VWA3B: variants seen among roughly 807,000 people sequenced by gnomAD.
The protein encoded by VWA3B is von Willebrand factor A domain containing 3B.
In VWA3B, 138 loss-of-function variants were observed where a neutral mutation model predicts 158.3. That is an observed-to-expected ratio of 0.87 (90% CI 0.76 to 1.00). The LOEUF (loss-of-function observed/expected upper bound fraction) is 1.00, where lower values mean the gene tolerates loss of function less well. Among genes scored for constraint, VWA3B ranks in the 50% least tolerant of loss-of-function variants. The pLI is 0.00. For synonymous variants in VWA3B, 596 were observed against 587.3 expected (o/e 1.01, Z -0.21); for missense variants, 1,555 against 1,565.1 (o/e 0.99, Z 0.11).
intron 15 of VWA3B, 22 bp downstream of exon 15, chr2:98,228,354 T>C (rs1474965505): frequency 1.2e-6 from 2 of 1,607,684 alleles, no homozygotes; most frequent in Non-Finnish European, 8.5e-7. Context: ...TGCCCGCCTG[T>C]CTCCCTGCGC....
At chr2:98,209,591 T>G (rs1683330345) in intron 12 of VWA3B, among the ~76,000 whole-genome samples, 1 of 152,122 alleles carries the variant, frequency 6.6e-6, no homozygotes, top group South Asian at 2.1e-4. Flanking sequence ...AAATTTGGGG[T>G]TTTTTTCAGT....
intron 8 of VWA3B, among the ~76,000 whole-genome samples, chr2:98,170,660 G>T (rs1679507486): frequency 6.6e-6 from 1 of 151,208 alleles, no homozygotes; most frequent in African/African-American, 2.4e-5. Context: ...AGGCTGGAGT[G>T]CAGTGATGCC....
intron 26 of VWA3B, 39 bp from the exon 27 acceptor site, chr2:98,311,780 C>T (rs1303197024): frequency 2.6e-6 from 4 of 1,522,980 alleles, no homozygotes; most frequent in Admixed American, 2.1e-5. Context: ...ACCCCGCAGC[C>T]ATCAAGGCAG....
intron 12 of VWA3B, among the ~76,000 whole-genome samples, chr2:98,195,912 A>G (rs1682000586): frequency 6.6e-6 from 1 of 152,240 alleles, no homozygotes; most frequent in African/African-American, 2.4e-5. Context: ...GCATATATAC[A>G]CAATGGAATA....
At chr2:98,138,068 TCAG>T (rs1375146684) in intron 7 of VWA3B, among the ~76,000 whole-genome samples, 1 of 152,184 alleles carries the variant, frequency 6.6e-6, no homozygotes, top group Non-Finnish European at 1.5e-5. Context: ...GTGGCCCTGC[TCAG>T]CAGGCCCCTC....
intron 14 of VWA3B, among the ~76,000 whole-genome samples, chr2:98,219,146 C>T (rs548143406): frequency 5.9e-5 from 9 of 151,990 alleles, no homozygotes; most frequent in African/African-American, 1.7e-4. Flanking sequence ...ACTAGGCATG[C>T]GAAAAAGTAG....
intron 23 of VWA3B, among the ~76,000 whole-genome samples, chr2:98,295,286 G>A (rs1323411303): frequency 6.6e-6 from 1 of 152,076 alleles, no homozygotes; most frequent in African/African-American, 2.4e-5. Context: ...AAGGTTCTTA[G>A]AGCCAAAGGT....
chr2:98,259,494 T>G (rs796997666), intron 21 of VWA3B, among the ~76,000 whole-genome samples: 2 of 151,720 alleles, frequency 1.3e-5, no homozygotes, highest in South Asian at 4.1e-4. Context: ...TTCTAGGAAT[T>G]TGTGCATTTC....
At chr2:98,134,913 A>G (rs927707429) in intron 7 of VWA3B, among the ~76,000 whole-genome samples, 6 of 151,872 alleles carry the variant, frequency 4.0e-5, no homozygotes, top group African/African-American at 1.5e-4. Context: ...TTGGTGTCCA[A>G]GCAGAGGAGG....
chr2:98,250,487 GAGA>G (rs777874968), intron 20 of VWA3B, 51 bp downstream of exon 20: 3 of 1,389,364 alleles, frequency 2.2e-6, no homozygotes, highest in South Asian at 1.3e-5. Flanking sequence ...TTATTTTATG[GAGA>G]AGGAGACTTC....
At chr2:98,182,575 T>C (rs546081573) in intron 9 of VWA3B, among the ~76,000 whole-genome samples, 16 of 152,328 alleles carry the variant, frequency 1.1e-4, no homozygotes, top group African/African-American at 3.8e-4. Flanking sequence ...TTTTCTGGTT[T>C]TGTAGACATT....
At chr2:98,190,066 T>C (rs571378426) in intron 10 of VWA3B, among the ~76,000 whole-genome samples, 29 of 152,294 alleles carry the variant, frequency 1.9e-4, no homozygotes, top group African/African-American at 6.7e-4. Context: ...GATTATTGAT[T>C]TGATTGGATT....
At chr2:98,150,582 G>A (rs911687360) in intron 7 of VWA3B, among the ~76,000 whole-genome samples, 10 of 152,154 alleles carry the variant, frequency 6.6e-5, no homozygotes, top group Non-Finnish European at 8.8e-5. Flanking sequence ...AAATTGCCTC[G>A]AACCTTGATT....
chr2:98,122,541 C>T (rs1675047262), intron 5 of VWA3B, among the ~76,000 whole-genome samples: 1 of 152,184 alleles, frequency 6.6e-6, no homozygotes, highest in Non-Finnish European at 1.5e-5. Flanking sequence ...TAGTTTGTTC[C>T]TTGGTCCTTT....
intron 12 of VWA3B, among the ~76,000 whole-genome samples, chr2:98,200,830 T>C (rs1320631791): frequency 6.6e-6 from 1 of 152,238 alleles, no homozygotes; most frequent in African/African-American, 2.4e-5. Flanking sequence ...ATAGGGTTCA[T>C]TTTGAGTTCA....
chr2:98,297,921 T>C lies in VWA3B; in HGVS notation c.3172T>C (p.Cys1058Arg), dbSNP rs746592999. The C allele has an allele frequency of 6.3e-5, 97 of 1,549,908 alleles. No individual in the cohort carries two copies. The highest frequency in any genetic ancestry group is 7.9e-5 in the Non-Finnish European group (91 of 1,149,072). Residue 1058 changes from cysteine to arginine, a missense_variant, in exon 24 of 28, where the codon TGT becomes CGT. Cys to Arg is a radical substitution (Grantham distance 180, BLOSUM62 -3). Transcript: ENST00000477737. ...ATTCCTTCCAGGGGTTGTGAAGAAG[T>C]GTGTGAGCCGCACCCAAGCACTGGT... ...GFYFPGVVKK[C>R]VSRTQALVGF...
At chr2:98,303,515 CA>C (rs1364892969) in intron 25 of VWA3B, among the ~76,000 whole-genome samples, 186 bp from the exon 26 acceptor site, 1 of 151,744 alleles carries the variant, frequency 6.6e-6, no homozygotes, top group African/African-American at 2.4e-5. Context: ...AGAGAGGACT[CA>C]ATGATGACTT....
chr2:98,184,643 G>T (rs756779856), intron 9 of VWA3B, among the ~76,000 whole-genome samples: 1 of 152,300 alleles, frequency 6.6e-6, no homozygotes, highest in South Asian at 2.1e-4. Flanking sequence ...CCCTCTGGGC[G>T]CATCATCAGC....
intron 12 of VWA3B, among the ~76,000 whole-genome samples, chr2:98,208,919 G>C (rs1683256693): frequency 6.6e-6 from 1 of 152,016 alleles, no homozygotes; most frequent in Non-Finnish European, 1.5e-5. Context: ...GCTTCTTTAA[G>C]GGTAGGTCTC....
Sources: gnomAD v4.1 joint callset for allele counts (sites outside exome capture counted in the v4.1 genomes callset) on GRCh38, gnomAD v4.1.1 for gene constraint, MANE v1.5 for transcripts, NCBI Gene and HGNC (gene_info 2026-07-23, HGNC 2026-07-21) for gene names.